Variants in PTPN21 observed in about 807,000 individuals in gnomAD.
The protein encoded by PTPN21 is protein tyrosine phosphatase non-receptor type 21.
Under a neutral mutation model 131.8 loss-of-function variants are expected in PTPN21, and 77 were observed. The observed-to-expected ratio is 0.58, with a 90% CI of 0.49 to 0.71. The LOEUF (loss-of-function observed/expected upper bound fraction) is 0.71, where lower values mean the gene tolerates loss of function less well. Among genes scored for constraint, PTPN21 ranks in the 30% least tolerant of loss-of-function variants. The pLI is 0.00. For synonymous variants in PTPN21, 715 were observed against 621.3 expected (o/e 1.15, Z -2.24); for missense variants, 1,552 against 1,527.1 (o/e 1.02, Z -0.27).
At position 88,482,917 on chromosome 14, in the gene PTPN21, T is replaced by C. The variant is rs567630582; in HGVS notation, c.1078+2159A>G. 2.6e-5 allele frequency among the ~76,000 whole-genome samples: 4 copies of C among 151,482 alleles called. No individual in the cohort carries two copies. In the South Asian group the frequency reaches 8.3e-4, roughly 32 times the overall value. On this transcript the variant is annotated intron_variant, in intron 12 of 18. Coordinates refer to ENST00000556564, the MANE Select transcript of PTPN21 (RefSeq NM_007039.4). The stretch of plus-strand genomic sequence containing the variant: ...AAGCAGCACACAGAGAGTACTCTTA[T>C]AAGTCAGTGAGAAAGGGCTGGGCAC...
At chr14:88,485,210 T>C (rs1555384358) in intron 11 of PTPN21, 50 bp from the exon 12 acceptor site, 1 of 1,184,970 alleles carries the variant, frequency 8.4e-7, no homozygotes, top group Admixed American at 2.3e-5. Context: ...GCTTATGTAA[T>C]ACAGGTAAAG....
chr14:88,472,001 A>C (rs1311058003), intron 15 of PTPN21, among the ~76,000 whole-genome samples: 1 of 151,926 alleles, frequency 6.6e-6, no homozygotes, highest in Non-Finnish European at 1.5e-5. Context: ...TCGCACATGG[A>C]GAGTAGACAT....
At position 88,467,251 on chromosome 14, in the gene PTPN21, A is replaced by G. The variant is rs1457009865; in HGVS notation, c.*886T>C. On this transcript the variant is annotated 3_prime_UTR_variant, in exon 19 of 19. Transcript: ENST00000556564. ...TTGTGTCATCTACAAAGCAACACAT[A>G]TATTAAAACTCAGATTTGTTTTTAA... 4 of 151,626 alleles carry G rather than the reference A, an allele frequency of 2.6e-5. No homozygotes were observed. The highest frequency in any genetic ancestry group is 4.9e-5 in the African/African-American group (2 of 40,868). The allele number at this position is 151,626 out of a possible 1,614,324, so 9.4% of individuals were successfully genotyped here. A position where few individuals can be genotyped will look rare whatever the true frequency, so the allele number is the denominator to read the frequency against.
At chr14:88,493,976 G>A (rs1018356670) in intron 10 of PTPN21, among the ~76,000 whole-genome samples, 1 of 152,214 alleles carries the variant, frequency 6.6e-6, no homozygotes, top group African/African-American at 2.4e-5. Context: ...AGGGAAGAGT[G>A]TCTGTCCTCA....
chr14:88,550,647 A>G (rs966998826), intron 1 of PTPN21, 28 bp from the exon 2 acceptor site: 9 of 467,756 alleles, frequency 1.9e-5, no homozygotes, highest in Non-Finnish European at 3.4e-5. Context: ...CCGTTAGTTA[A>G]GCAAACGTAA....
chr14:88,475,526 G>A (rs2077536656), intron 13 of PTPN21, among the ~76,000 whole-genome samples: 2 of 152,150 alleles, frequency 1.3e-5, no homozygotes, highest in African/African-American at 2.4e-5. Flanking sequence ...TAGACAGAAA[G>A]AGACAGATAT....
intron 2 of PTPN21, among the ~76,000 whole-genome samples, chr14:88,522,196 G>C (rs1397366340): frequency 3.3e-5 from 5 of 151,912 alleles, no homozygotes; most frequent in African/African-American, 1.2e-4. Flanking sequence ...GGAGGCTGAG[G>C]CCAGTGGATC....
chr14:88,544,905 G>A (rs1167644441), intron 2 of PTPN21, among the ~76,000 whole-genome samples: 3 of 151,824 alleles, frequency 2.0e-5, no homozygotes, highest in East Asian at 3.9e-4. Flanking sequence ...TCGGCTCATT[G>A]CAACCTCTGT....
At chr14:88,539,439 G>A (rs1278917843) in intron 2 of PTPN21, among the ~76,000 whole-genome samples, 13 of 151,976 alleles carry the variant, frequency 8.6e-5, no homozygotes, top group African/African-American at 2.4e-4. Context: ...GTAGAGATGG[G>A]GTTTCTCCAT....
At position 88,484,909 on chromosome 14, in the gene PTPN21, A is replaced by C. The variant is rs572074862; in HGVS notation, c.1078+167T>G. Among the ~76,000 whole-genome samples, 13 of 152,244 alleles carry C rather than the reference A, an allele frequency of 8.5e-5. No homozygotes were observed. The East Asian group carries it at 2.1e-3, about 25-fold the overall frequency. On this transcript the variant is annotated intron_variant, in intron 12 of 18. Coordinates refer to ENST00000556564, the MANE Select transcript of PTPN21 (RefSeq NM_007039.4). ...CTCCAAAAAAACAAACAAACAAACA[A>C]AAAACAATATATTGGCTTCTTTTAT... is the stretch of plus-strand genomic sequence containing the variant.
chr14:88,516,417 T>C (rs2078270390), intron 3 of PTPN21, among the ~76,000 whole-genome samples: 1 of 151,962 alleles, frequency 6.6e-6, no homozygotes. Context: ...AAAAGTAACA[T>C]TAAATAGGGT....
intron 9 of PTPN21, among the ~76,000 whole-genome samples, 153 bp from the exon 10 acceptor site, chr14:88,496,645 A>G (rs1281217564): frequency 6.6e-6 from 1 of 152,250 alleles, no homozygotes; most frequent in African/African-American, 2.4e-5. Flanking sequence ...CACTGTGCCC[A>G]TGGTATGAAT....
chr14:88,484,231 T>G (rs78831288), intron 12 of PTPN21, among the ~76,000 whole-genome samples: 3 of 147,312 alleles, frequency 2.0e-5, no homozygotes, highest in African/African-American at 7.7e-5. Context: ...TTTTTTTTTT[T>G]GGTAGAGACA....
intron 12 of PTPN21, among the ~76,000 whole-genome samples, chr14:88,484,055 T>TG (rs1372095752): frequency 6.6e-6 from 1 of 151,814 alleles, no homozygotes; most frequent in Non-Finnish European, 1.5e-5. Flanking sequence ...GTGTTTTTTT[T>TG]TTTTTTGAGA....
At chr14:88,518,406 ATATATATATTTTTTTTTTTTT>A (rs2078329718) in intron 2 of PTPN21, among the ~76,000 whole-genome samples, 2 of 20,496 alleles carry the variant, frequency 9.8e-5, no homozygotes, top group Non-Finnish European at 1.1e-4. Flanking sequence ...ATATATATAT[ATATATATATTTTTTTTTTTTT>A]TTTTTTTTTT....
intron 2 of PTPN21, among the ~76,000 whole-genome samples, chr14:88,526,721 A>G (rs1277749914): frequency 6.6e-6 from 1 of 152,072 alleles, no homozygotes. Context: ...TACATTCTTT[A>G]GTGGTGATTT....
chr14:88,481,296 T>C (rs1471883112), intron 12 of PTPN21, among the ~76,000 whole-genome samples: 1 of 152,208 alleles, frequency 6.6e-6, no homozygotes, highest in East Asian at 1.9e-4. Context: ...TGTGAGGAAA[T>C]AGCACTCAAA....
Position 88,490,686 on chromosome 14 carries a change from G to A in PTPN21, c.933-4844C>T, listed in dbSNP as rs149884322. On this transcript the variant is annotated intron_variant, in intron 10 of 18. Transcript: ENST00000556564. Reference sequence around the variant, plus strand: ...CAGTCTCCTGATTACAAAAGTCTCCGGAACCAAGGTGGACACCGGCTGCTA... The same window carrying A: ...CAGTCTCCTGATTACAAAAGTCTCCAGAACCAAGGTGGACACCGGCTGCTA... Among the ~76,000 whole-genome samples the A allele has an allele frequency of 2.2e-4, 34 of 152,276 alleles. 1 individual carries two copies. The East Asian group carries it at 5.8e-3, about 26-fold the overall frequency.
rs150528413 is a variant in PTPN21, at chr14:88,531,540, G to A, written c.181-14279C>T. On this transcript the variant is annotated intron_variant, in intron 2 of 18. Coordinates refer to ENST00000556564, the MANE Select transcript of PTPN21 (RefSeq NM_007039.4). ...CCACTGCACTCCAGCCTGGACAACA[G>A]AGTGAGACTCCATCTCAAAAAAACA... 3.5e-3 allele frequency among the ~76,000 whole-genome samples: 536 copies of A among 152,276 alleles called. 1 individual carries two copies. The highest frequency in any genetic ancestry group is 4.5e-3 in the Non-Finnish European group (308 of 68,020).
Sources: allele counts gnomAD v4.1 joint callset (sites outside exome capture counted in the v4.1 genomes callset), GRCh38; gene constraint gnomAD v4.1.1; transcripts MANE v1.5; gene names NCBI Gene and HGNC (gene_info 2026-07-23, HGNC 2026-07-21).